Variants in FAAH2 observed in about 807,000 individuals in gnomAD.
FAAH2 encodes the protein fatty acid amide hydrolase 2.
Under a neutral mutation model 36.9 loss-of-function variants are expected in FAAH2, and 60 were observed. That is an observed-to-expected ratio of 1.63 (90% confidence interval 1.32 to 2.02). The LOEUF (loss-of-function observed/expected upper bound fraction) is 2.02, where lower values mean the gene tolerates loss of function less well. Among genes scored for constraint, FAAH2 ranks in the 30% most tolerant of loss-of-function variants. The pLI, the probability that FAAH2 is intolerant of heterozygous loss-of-function variation, is 0.00. For missense variants in FAAH2, 689 were observed against 397.5 expected, an observed-to-expected ratio of 1.73 and a Z score of -6.23; for synonymous variants, 214 against 143.8, an observed-to-expected ratio of 1.49 and a Z score of -3.49.
At chrX:57,439,559 C>G (rs368649446) in intron 8 of FAAH2, among the ~76,000 whole-genome samples, 2 of 111,323 alleles carry the variant, frequency 1.8e-5, no homozygotes, top group South Asian at 3.8e-4. Context: ...GTTGCCTGTT[C>G]ACTCTGATGG....
At chrX:57,306,689 CTTGTGTGT>C (rs1392372276) in intron 2 of FAAH2, among the ~76,000 whole-genome samples, 6 of 36,285 alleles carry the variant, frequency 1.7e-4, no homozygotes, top group South Asian at 2.7e-3. Context: ...CTAGCAACAT[CTTGTGTGT>C]GTGTGTGTGT....
chrX:57,197,100 G>A, the FAAH2 span, among the ~76,000 whole-genome samples: 2 of 111,152 alleles, frequency 1.8e-5, no homozygotes, highest in African/African-American at 6.5e-5. Flanking sequence ...TTGTCAAACT[G>A]GGTTAATATG....
At chrX:57,468,937 C>G (rs2057104095) in intron 10 of FAAH2, among the ~76,000 whole-genome samples, 2 of 111,709 alleles carry the variant, frequency 1.8e-5, no homozygotes, top group Non-Finnish European at 3.8e-5. Context: ...GAGTGGGGGC[C>G]AATTTTCAAC....
chrX:57,472,808 C>A (rs1205943275), intron 10 of FAAH2, among the ~76,000 whole-genome samples: 1 of 111,169 alleles, frequency 9.0e-6, no homozygotes, highest in African/African-American at 3.3e-5. Flanking sequence ...AGTTTGTGTG[C>A]ATAGAATTGT....
the FAAH2 span, among the ~76,000 whole-genome samples, chrX:57,159,145 G>T: frequency 8.9e-6 from 1 of 111,933 alleles, no homozygotes; most frequent in South Asian, 3.7e-4. Context: ...AGATCAGATA[G>T]TTGTAGATGT....
the FAAH2 span, among the ~76,000 whole-genome samples, chrX:57,250,769 A>G: frequency 2.7e-5 from 3 of 110,783 alleles, no homozygotes; most frequent in Non-Finnish European, 5.7e-5. Flanking sequence ...AGAAATAAAA[A>G]AAAAACTAAG....
chrX:57,397,741 A>G (rs1294868701), intron 7 of FAAH2, among the ~76,000 whole-genome samples: 2 of 109,275 alleles, frequency 1.8e-5, no homozygotes, highest in Non-Finnish European at 3.8e-5. Flanking sequence ...TCGAGGGTAC[A>G]TGTGCACAAT....
chrX:57,435,623 G>A (rs752748365), intron 8 of FAAH2, among the ~76,000 whole-genome samples: 13 of 109,061 alleles, frequency 1.2e-4, no homozygotes, highest in Non-Finnish European at 2.5e-4. Context: ...ATGATAAAAG[G>A]ATCAATGCAA....
At position 57,441,256 on chromosome X, in the gene FAAH2, C is replaced by T. The variant is rs912677624; in HGVS notation, c.1117-5672C>T. On this transcript the variant is annotated intron_variant, in intron 8 of 10. Transcript: ENST00000374900. ...GTTCTGGATTTTTTTTGTTGGTAGGCTAATTATTGCATCAATTTCAGAACC... is the reference window on the plus strand; with the variant it reads ...GTTCTGGATTTTTTTTGTTGGTAGGTTAATTATTGCATCAATTTCAGAACC... Among the ~76,000 whole-genome samples the T allele has an allele frequency of 1.5e-4, 16 of 109,458 alleles. 1 individual carries two copies. Among genetic ancestry groups the T allele is most frequent in the Admixed American group, 3.9e-4 (4 of 10,265 alleles).
chrX:57,291,008 C>T (rs2051962231), intron 1 of FAAH2, among the ~76,000 whole-genome samples: 1 of 112,010 alleles, frequency 8.9e-6, no homozygotes, highest in Non-Finnish European at 1.9e-5. Context: ...CTTAGAAATT[C>T]TCTAAAACCA....
chrX:57,192,389 T>A, the FAAH2 span, among the ~76,000 whole-genome samples: 1 of 111,887 alleles, frequency 8.9e-6, no homozygotes, highest in Non-Finnish European at 1.9e-5. Flanking sequence ...ATTATATCAT[T>A]TGAAAACAAG....
chrX:57,487,658 A>C (rs1457818673), intron 10 of FAAH2, among the ~76,000 whole-genome samples: 3 of 112,032 alleles, frequency 2.7e-5, no homozygotes, highest in Non-Finnish European at 5.6e-5. Context: ...ACCCTCATAC[A>C]TTTCTGGTAA....
the FAAH2 span, among the ~76,000 whole-genome samples, chrX:57,209,572 T>C: frequency 1.8e-5 from 2 of 111,255 alleles, no homozygotes; most frequent in Non-Finnish European, 1.9e-5. Flanking sequence ...GAAAAAGTCC[T>C]CCCCACACTT....
At chrX:57,344,497 C>A (rs540880902) in intron 5 of FAAH2, among the ~76,000 whole-genome samples, 1 of 111,000 alleles carries the variant, frequency 9.0e-6, no homozygotes, top group East Asian at 2.8e-4. Flanking sequence ...TTCCAGGAGC[C>A]TTTTGGGAGA....
At chrX:57,156,833 T>G in the FAAH2 span, among the ~76,000 whole-genome samples, 1 of 111,764 alleles carries the variant, frequency 8.9e-6, no homozygotes, top group Admixed American at 9.5e-5. Flanking sequence ...CCGTGCTGGG[T>G]TGCACTTGAA....
chrX:57,433,540 C>A (rs1200401662), intron 8 of FAAH2, among the ~76,000 whole-genome samples: 1 of 111,951 alleles, frequency 8.9e-6, no homozygotes, highest in East Asian at 2.8e-4. Context: ...GATGTTATGA[C>A]ACATACATAC....
chrX:57,400,177 C>T lies in FAAH2; in HGVS notation c.996+19148C>T, dbSNP rs182128610. Among the ~76,000 whole-genome samples the T allele has an allele frequency of 5.1e-3, 577 of 112,264 alleles. 4 individuals are homozygous for T. Among genetic ancestry groups the T allele is most frequent in the African/African-American group, 0.018 (552 of 30,939 alleles). On this transcript the variant is annotated intron_variant, in intron 7 of 10. Coordinates refer to ENST00000374900, the MANE Select transcript of FAAH2 (RefSeq NM_174912.4). ...TAATAAAGCCTGATATTTAAGCAAA[C>T]GGTTGTCTGACAGCCACAAGTCTTC...
the FAAH2 span, among the ~76,000 whole-genome samples, chrX:57,221,601 A>T: frequency 1.8e-5 from 2 of 111,551 alleles, no homozygotes; most frequent in Non-Finnish European, 3.8e-5. Context: ...CTTATCACTT[A>T]GTCTAGGACC....
the FAAH2 span, among the ~76,000 whole-genome samples, chrX:57,154,391 G>C: frequency 9.4e-6 from 1 of 106,365 alleles, no homozygotes; most frequent in Non-Finnish European, 1.9e-5. Context: ...AGCCTCCTGA[G>C]TAGCTGGGAC....
Sources: allele counts gnomAD v4.1 joint callset (sites outside exome capture counted in the v4.1 genomes callset), GRCh38; gene constraint gnomAD v4.1.1; transcripts MANE v1.5; gene names NCBI Gene and HGNC (gene_info 2026-07-23, HGNC 2026-07-21).